The following MBD5 variants were observed in gnomAD, a reference collection of about 807,000 sequenced individuals.
MBD5 encodes methyl-CpG binding domain protein 5, also known as methyl-CpG-binding domain protein 5.
In MBD5, 13 loss-of-function variants were observed where a neutral mutation model predicts 117.3. The observed-to-expected ratio is 0.11, with a 90% confidence interval of 0.07 to 0.18. The LOEUF (loss-of-function observed/expected upper bound fraction) is 0.18. Among genes scored for constraint, MBD5 ranks in the 10% least tolerant of loss-of-function variants. MBD5 has a pLI of 1.00. For synonymous variants in MBD5, 727 were observed against 766.4 expected (o/e 0.95, Z 0.85); for missense variants, 1,879 against 2,093.8 (o/e 0.90, Z 2.00).
intron 3 of MBD5, among the ~76,000 whole-genome samples, chr2:148,305,336 G>T (rs1574264180): frequency 6.6e-6 from 1 of 152,148 alleles, no homozygotes; most frequent in African/African-American, 2.4e-5. Context: ...AATAATAAAA[G>T]TCCATTCCTC....
rs544171213 is a variant in MBD5, at chr2:148,136,091, G to A, written c.-924-42609G>A. On this transcript the variant is annotated intron_variant, in intron 1 of 13. Coordinates refer to ENST00000642680, the MANE Select transcript of MBD5 (RefSeq NM_001378120.1). ...CTAGTATTCATAGTGGGGGGTGGTG[G>A]GTGTCAGAGTTGGGAGATTAAAGCA... 5.9e-5 allele frequency among the ~76,000 whole-genome samples: 9 copies of A among 152,162 alleles called. No homozygotes were observed. The East Asian group carries it at 1.7e-3, about 29-fold the overall frequency.
chr2:148,027,719 G>T (rs745475481), intron 1 of MBD5: 2 of 151,994 alleles, frequency 1.3e-5, no homozygotes, highest in Admixed American at 1.3e-4. Context: ...TTGAATAAGG[G>T]ATATCAACTT....
At chr2:148,427,929 C>T (rs946990622) in intron 4 of MBD5, among the ~76,000 whole-genome samples, 69 of 151,914 alleles carry the variant, frequency 4.5e-4, no homozygotes, top group East Asian at 5.8e-4. Flanking sequence ...CTTTGAAAAC[C>T]GGCACAAGAC....
rs1706958225 is a variant in MBD5, at chr2:148,458,624, G to A, written c.-135G>A. ...GGACTTGGTTCCAAACTGAGCTGAAGCTTCCCAATGCGTTTTGTACAGTCT... is the reference window on the plus strand; with the variant it reads ...GGACTTGGTTCCAAACTGAGCTGAAACTTCCCAATGCGTTTTGTACAGTCT... On this transcript the variant is annotated 5_prime_UTR_variant, in exon 5 of 14. Coordinates refer to ENST00000642680, the MANE Select transcript of MBD5 (RefSeq NM_001378120.1). 2.7e-6 allele frequency: 2 copies of A among 740,662 alleles called. No individual in the cohort carries two copies. The highest frequency in any genetic ancestry group is 4.9e-6 in the Non-Finnish European group (2 of 411,284). The allele number at this position is 740,662 out of a possible 1,614,324, so 45.9% of individuals were successfully genotyped here.
At chr2:148,317,694 T>G (rs528319932) in intron 3 of MBD5, among the ~76,000 whole-genome samples, 2 of 152,264 alleles carry the variant, frequency 1.3e-5, no homozygotes, top group East Asian at 3.9e-4. Flanking sequence ...CTCGCTTGTG[T>G]GAAAACATGC....
chr2:148,178,628 T>G (rs548248613), intron 1 of MBD5, 72 bp from the exon 2 acceptor site: 91 of 393,538 alleles, frequency 2.3e-4, no homozygotes, highest in African/African-American at 1.8e-3. Flanking sequence ...TTTCAATTTT[T>G]TTATATTTAA....
intron 2 of MBD5, among the ~76,000 whole-genome samples, chr2:148,203,450 T>A (rs940872969): frequency 3.3e-4 from 51 of 152,326 alleles, no homozygotes; most frequent in African/African-American, 1.2e-3. Flanking sequence ...GATGTCTGTG[T>A]GTTTTGCTAT....
intron 4 of MBD5, among the ~76,000 whole-genome samples, chr2:148,373,171 CAAG>C (rs561864089): frequency 1.7e-4 from 26 of 152,026 alleles, no homozygotes; most frequent in Non-Finnish European, 3.8e-4. Context: ...CACAGGAAAG[CAAG>C]AAGGCCTGTT....
At chr2:148,113,689 C>A (rs1185782551) in intron 1 of MBD5, among the ~76,000 whole-genome samples, 3 of 152,132 alleles carry the variant, frequency 2.0e-5, no homozygotes. Context: ...CCTTTCAACT[C>A]CATTTTTTTT....
intron 3 of MBD5, among the ~76,000 whole-genome samples, chr2:148,239,686 T>TACACACAC (rs34980624): frequency 0.12 from 17,063 of 141,450 alleles, 1,136 homozygotes; most frequent in Admixed American, 0.17. Flanking sequence ...TTTATTTACT[T>TACACACAC]ACACACACAC....
rs187883991 is a variant in MBD5 at position 148,507,486 on chromosome 2, G to A, written c.5037-2574G>A. ...TTTTAATACAATACTTGGGCCGGGCGCGGTGGCTCACGCCTGTAATCCCAG... is the reference window on the plus strand; with the variant it reads ...TTTTAATACAATACTTGGGCCGGGCACGGTGGCTCACGCCTGTAATCCCAG... On this transcript the variant is annotated intron_variant, in intron 12 of 13. Coordinates refer to ENST00000642680, the MANE Select transcript of MBD5 (RefSeq NM_001378120.1). Among the ~76,000 whole-genome samples the A allele has an allele frequency of 5.9e-5, 9 of 152,262 alleles. No individual in the cohort carries two copies. In the East Asian group the frequency reaches 1.7e-3, roughly 29 times the overall value.
In MBD5 at chr2:148,483,861, G is replaced by A. The variant is rs897800295; in HGVS notation, c.3270G>A (p.Leu1090=). 3 of 1,550,546 alleles carry A rather than the reference G, an allele frequency of 1.9e-6. No homozygotes were observed. The highest frequency in any genetic ancestry group is 2.0e-5 in the Admixed American group (1 of 50,996). Residue 1090 remains leucine (L), a synonymous_variant, in exon 9 of 14, where the codon TTG becomes TTA. Transcript: ENST00000642680. Reference sequence around the variant, plus strand: ...TAATGACCTTGAATCCCCAGCTGTTGGGAGGTGTCCTGAACTCGGCATCGG... The same window carrying A: ...TAATGACCTTGAATCCCCAGCTGTTAGGAGGTGTCCTGAACTCGGCATCGG... ...SGLMTLNPQL[L]GGVLNSASAN... is the part of the protein sequence containing the mutation.
intron 1 of MBD5, among the ~76,000 whole-genome samples, chr2:148,162,300 C>A (rs1456351172): frequency 6.6e-6 from 1 of 152,192 alleles, no homozygotes; most frequent in Non-Finnish European, 1.5e-5. Flanking sequence ...CCCCACCCCC[C>A]TGTCCATTTA....
chr2:148,021,067 C>A (rs1279796307), upstream of MBD5: 1 of 154,174 alleles, frequency 6.5e-6, no homozygotes, highest in Non-Finnish European at 1.4e-5. Context: ...CCCGTCTCTT[C>A]TACCCGAACC....
chr2:148,362,210 AG>A (rs1703559890), intron 4 of MBD5, among the ~76,000 whole-genome samples: 3 of 152,216 alleles, frequency 2.0e-5, no homozygotes, highest in Admixed American at 6.5e-5. Context: ...CCAGCCCCAC[AG>A]AGCGCAGCAA....
chr2:148,240,320 G>T (rs1360894486), intron 3 of MBD5, among the ~76,000 whole-genome samples: 1 of 152,010 alleles, frequency 6.6e-6, no homozygotes, highest in African/African-American at 2.4e-5. Context: ...TAATGTAAAT[G>T]ATGAGTTAAT....
intron 4 of MBD5, among the ~76,000 whole-genome samples, chr2:148,384,625 T>C (rs1047279922): frequency 1.3e-5 from 2 of 152,096 alleles, no homozygotes; most frequent in Non-Finnish European, 2.9e-5. Context: ...AAAGTTCATA[T>C]GGAACCACAA....
chr2:148,117,529 G>A (rs1243673932), intron 1 of MBD5, among the ~76,000 whole-genome samples: 1 of 152,088 alleles, frequency 6.6e-6, no homozygotes, highest in Non-Finnish European at 1.5e-5. Flanking sequence ...GTTGTTTGTA[G>A]ATGCCAGTCC....
chr2:148,386,765 A>G (rs1704384739), intron 4 of MBD5, among the ~76,000 whole-genome samples: 1 of 151,952 alleles, frequency 6.6e-6, no homozygotes, highest in South Asian at 2.1e-4. Flanking sequence ...ATGCCAATAA[A>G]GATATGGCAT....
Sources: gnomAD v4.1 joint callset for allele counts (sites outside exome capture counted in the v4.1 genomes callset) on GRCh38, gnomAD v4.1.1 for gene constraint, MANE v1.5 for transcripts, NCBI Gene and HGNC (gene_info 2026-07-23, HGNC 2026-07-21) for gene names.